KIF2A: variants seen among roughly 807,000 people sequenced by gnomAD.
KIF2A encodes kinesin family member 2A, also known as kinesin-like protein KIF2A.
In KIF2A, 22 loss-of-function variants were observed where a neutral mutation model predicts 100.2. The ratio of observed to expected loss-of-function variants is 0.22; its 90% CI spans 0.16 to 0.31. The LOEUF is 0.31. Ranked by LOEUF, KIF2A falls within the 10% of genes least tolerant of loss-of-function variation. KIF2A has a pLI of 1.00. For missense variants in KIF2A, 495 were observed against 898.7 expected, an observed-to-expected ratio of 0.55 and a Z score of 5.74; for synonymous variants, 268 against 285.9, an observed-to-expected ratio of 0.94 and a Z score of 0.63.
intron 11 of KIF2A, among the ~76,000 whole-genome samples, 198 bp downstream of exon 11, chr5:62,361,727 G>A (rs1580076506): frequency 6.8e-6 from 1 of 147,576 alleles, no homozygotes; most frequent in East Asian, 2.0e-4. Flanking sequence ...TTTTTAAGAA[G>A]ACAAGAACTG....
At chr5:62,378,851 G>A (rs1741653740) in intron 19 of KIF2A, among the ~76,000 whole-genome samples, 1 of 152,100 alleles carries the variant, frequency 6.6e-6, no homozygotes, top group African/African-American at 2.4e-5. Context: ...GGAGGTGGAA[G>A]TTGCAGTGAG....
intron 1 of KIF2A, among the ~76,000 whole-genome samples, chr5:62,328,452 G>T (rs772616359): frequency 6.6e-6 from 1 of 151,746 alleles, no homozygotes; most frequent in Admixed American, 6.6e-5. Flanking sequence ...CTTTTCCCCA[G>T]CCCCAAATAT....
Position 62,306,229 on chromosome 5 carries a change from GC to G in KIF2A, c.-240del. ...CCACTCTACCCCGCGCCGTCTCACG[GC>G]CCCGGCCCTAGCTTCACCCCGACTA... On this transcript the variant is annotated 5_prime_UTR_variant, in exon 1 of 21. Coordinates refer to ENST00000407818, the MANE Select transcript of KIF2A (RefSeq NM_001098511.3). 1 of 486,226 alleles carries G rather than the reference GC, an allele frequency of 2.1e-6. No individual in the cohort carries two copies. The highest frequency in any genetic ancestry group is 3.6e-6 in the Non-Finnish European group (1 of 276,210). 30.1% of individuals were successfully genotyped at this position (486,226 alleles called of 1,614,324 possible).
chr5:62,320,570 T>TC (rs1212914079), intron 1 of KIF2A, among the ~76,000 whole-genome samples: 5 of 151,942 alleles, frequency 3.3e-5, no homozygotes, highest in Admixed American at 1.3e-4. Flanking sequence ...ATAGCATTTT[T>TC]TTTTTTTAAG....
intron 1 of KIF2A, among the ~76,000 whole-genome samples, chr5:62,326,746 A>C (rs905926684): frequency 6.6e-6 from 1 of 152,030 alleles, no homozygotes; most frequent in Non-Finnish European, 1.5e-5. Flanking sequence ...CTATAATCCC[A>C]GCACTTTGGG....
intron 4 of KIF2A, among the ~76,000 whole-genome samples, chr5:62,350,643 G>A (rs1747801707): frequency 6.6e-6 from 1 of 152,084 alleles, no homozygotes; most frequent in Non-Finnish European, 1.5e-5. Flanking sequence ...CAGGTGCGGT[G>A]ACTCAGGCCT....
rs1220509917 is a variant in KIF2A at position 62,337,107 on chromosome 5, C to T, written c.65-10023C>T. ...GCAAGATGGTTTAACAAGTGCCTAC[C>T]AAATACTCAAGAGTTGAATAATCTA... On this transcript the variant is annotated intron_variant, in intron 1 of 20. Coordinates refer to ENST00000407818, the MANE Select transcript of KIF2A (RefSeq NM_001098511.3). Among the ~76,000 whole-genome samples the T allele has an allele frequency of 5.9e-5, 9 of 152,182 alleles. 1 individual carries two copies. Among genetic ancestry groups the T allele is most frequent in the Admixed American group, 5.9e-4 (9 of 15,278 alleles).
chr5:62,335,334 C>G (rs1454794546), intron 1 of KIF2A, among the ~76,000 whole-genome samples: 1 of 152,190 alleles, frequency 6.6e-6, no homozygotes, highest in East Asian at 1.9e-4. Flanking sequence ...CGATCCTGCT[C>G]TGGAGTATTC....
chr5:62,339,171 G>A (rs149751194), intron 1 of KIF2A, among the ~76,000 whole-genome samples: 2,498 of 152,258 alleles, frequency 0.016, 66 homozygotes, highest in African/African-American at 0.056. Context: ...TCAGCTTCTG[G>A]GAAGGTCTCA....
chr5:62,326,936 G>T (rs1284410407), intron 1 of KIF2A, among the ~76,000 whole-genome samples: 4 of 152,154 alleles, frequency 2.6e-5, no homozygotes, highest in Non-Finnish European at 5.9e-5. Flanking sequence ...GGCGGAGATT[G>T]CAGTGAGCCG....
At chr5:62,374,577 AT>A (rs1741460681) in intron 18 of KIF2A, among the ~76,000 whole-genome samples, 1 of 152,180 alleles carries the variant, frequency 6.6e-6, no homozygotes, top group African/African-American at 2.4e-5. Context: ...TGCTATTAAA[AT>A]TTGGGAAAAA....
chr5:62,381,245 A>G lies in KIF2A; in HGVS notation c.2141A>G (p.Glu714Gly). 1 of 1,612,396 alleles carries G rather than the reference A, an allele frequency of 6.2e-7. No individual in the cohort carries two copies. ...ILEQKIDILT[E>G]LRDKVKSFRA... Reference sequence around the variant, plus strand: ...GAGCAAAAAATAGACATTTTAACTGAACTGCGGGGTAATTCTTTTTCCATT... The same window carrying G: ...GAGCAAAAAATAGACATTTTAACTGGACTGCGGGGTAATTCTTTTTCCATT... The change falls in exon 20 of 21, where the codon GAA becomes GGA. Residue 714 changes from glutamate to glycine, a missense_variant. Around this residue, in one of 10 missense-constraint regions of KIF2A, gnomAD observed 58 missense variants for 94.8 expected, o/e 0.61. Coordinates refer to ENST00000407818, the MANE Select transcript of KIF2A (RefSeq NM_001098511.3).
Position 62,306,462 on chromosome 5 carries a change from C to T in KIF2A, c.-11C>T. On this transcript the variant is annotated 5_prime_UTR_variant, in exon 1 of 21. Transcript: ENST00000407818. ...CTCCCTCGGCCCGCTGCTGCTGCTC[C>T]AGATGAGGTGATGGCAACGGCCAAC... 6.5e-7 allele frequency: 1 copy of T among 1,543,688 alleles called. No individual in the cohort carries two copies. The highest frequency in any genetic ancestry group is 8.7e-7 in the Non-Finnish European group (1 of 1,143,932).
intron 1 of KIF2A, among the ~76,000 whole-genome samples, chr5:62,318,122 C>T (rs1745913057): frequency 1.3e-5 from 2 of 151,632 alleles, no homozygotes; most frequent in Admixed American, 6.6e-5. Flanking sequence ...CTTGGTCTGT[C>T]ACCAGGCTGG....
chr5:62,337,910 A>G (rs1333241784), intron 1 of KIF2A, among the ~76,000 whole-genome samples: 2 of 152,120 alleles, frequency 1.3e-5, no homozygotes, highest in South Asian at 2.1e-4. Context: ...AGACAATGCA[A>G]TTCCAGTCAG....
rs147669153 is a variant in KIF2A, at chr5:62,330,177, C to A, written c.65-16953C>A. ...ACCAGCCTGGGCAACATGGCAAAAA[C>A]CTGTCTGTACAAAAAATACAAAAAA... On this transcript the variant is annotated intron_variant, in intron 1 of 20. Coordinates refer to ENST00000407818, the MANE Select transcript of KIF2A (RefSeq NM_001098511.3). 5.2e-3 allele frequency among the ~76,000 whole-genome samples: 798 copies of A among 152,136 alleles called. 9 individuals are homozygous for A. Among genetic ancestry groups the A allele is most frequent in the African/African-American group, 0.018 (751 of 41,484 alleles).
intron 16 of KIF2A, among the ~76,000 whole-genome samples, chr5:62,368,014 T>A (rs548872479): frequency 6.6e-6 from 1 of 152,214 alleles, no homozygotes; most frequent in East Asian, 1.9e-4. Flanking sequence ...TATTTTTTAA[T>A]CTTTTATTAA....
rs1037633572 is a variant in KIF2A at position 62,387,904 on chromosome 5, T to G, written c.*2335T>G. Reference sequence around the variant, plus strand: ...ATTTCAAAATCTGGCTTTGTTAAATTAATTGGAAACACTCTTCTATTAAGT... The same window carrying G: ...ATTTCAAAATCTGGCTTTGTTAAATGAATTGGAAACACTCTTCTATTAAGT... On this transcript the variant is annotated 3_prime_UTR_variant, in exon 21 of 21. Coordinates refer to ENST00000407818, the MANE Select transcript of KIF2A (RefSeq NM_001098511.3). 22 of 152,088 alleles carry G rather than the reference T, an allele frequency of 1.4e-4. No individual in the cohort carries two copies. Among genetic ancestry groups the G allele is most frequent in the African/African-American group, 5.3e-4 (22 of 41,440 alleles). 9.4% of individuals were successfully genotyped at this position (152,088 alleles called of 1,614,324 possible).
intron 1 of KIF2A, among the ~76,000 whole-genome samples, chr5:62,337,147 A>T (rs981206520): frequency 2.0e-5 from 3 of 152,208 alleles, no homozygotes; most frequent in Non-Finnish European, 4.4e-5. Context: ...CACACCAACT[A>T]TTCTAGAGTA....
Sources: allele counts gnomAD v4.1 joint callset (sites outside exome capture counted in the v4.1 genomes callset), GRCh38; gene constraint gnomAD v4.1.1; regional missense constraint gnomAD v4.1.1; transcripts MANE v1.5; gene names NCBI Gene and HGNC (gene_info 2026-07-23, HGNC 2026-07-21).